RBFOX1: variants seen among roughly 807,000 people sequenced by gnomAD.
The protein encoded by RBFOX1 is RNA binding fox-1 homolog 1, also known as RNA binding protein fox-1 homolog 1.
RBFOX1 carries 8 observed loss-of-function variants against 57.7 expected under a neutral mutation model. The observed-to-expected ratio is 0.14, with a 90% CI of 0.08 to 0.25. The LOEUF is 0.25. Among genes scored for constraint, RBFOX1 ranks in the 10% least tolerant of loss-of-function variants. The pLI is 1.00. For missense variants in RBFOX1, 611 were observed against 548.5 expected (o/e 1.11, Z -1.14); for synonymous variants, 326 against 222.4 (o/e 1.47, Z -4.15).
intron 1 of RBFOX1, among the ~76,000 whole-genome samples, chr16:6,064,515 G>C (rs1312583371): frequency 6.6e-6 from 1 of 151,982 alleles, no homozygotes; most frequent in African/African-American, 2.4e-5. Flanking sequence ...TTTTCACATA[G>C]GCAGAATACA....
At chr16:6,276,230 G>C (rs1364397307) in intron 1 of RBFOX1, among the ~76,000 whole-genome samples, 2 of 152,244 alleles carry the variant, frequency 1.3e-5, no homozygotes, top group Non-Finnish European at 2.9e-5. Flanking sequence ...ACTGTGGCCA[G>C]AATCATTTTA....
intron 1 of RBFOX1, among the ~76,000 whole-genome samples, chr16:6,069,398 CAAAAA>C (rs34337622): frequency 2.8e-3 from 323 of 113,934 alleles, no homozygotes; most frequent in African/African-American, 0.01. Flanking sequence ...AACTCTGCCT[CAAAAA>C]AAAAAAAAAA....
At chr16:7,129,716 A>G (rs1335147225) in intron 4 of RBFOX1, among the ~76,000 whole-genome samples, 1 of 152,066 alleles carries the variant, frequency 6.6e-6, no homozygotes, top group Non-Finnish European at 1.5e-5. Context: ...GGAGCCCCCA[A>G]ATCGGGTTGT....
intron 2 of RBFOX1, among the ~76,000 whole-genome samples, chr16:5,564,935 C>T (rs1325836598): frequency 4.6e-5 from 7 of 152,182 alleles, no homozygotes; most frequent in Admixed American, 2.0e-4. Context: ...TTGGCAGCCA[C>T]GTGTAGTTTC....
intron 3 of RBFOX1, among the ~76,000 whole-genome samples, chr16:5,623,750 T>A (rs1296864553): frequency 6.6e-6 from 1 of 152,168 alleles, no homozygotes; most frequent in East Asian, 1.9e-4. Flanking sequence ...CCTGCTCTTT[T>A]TCTCCCCCAT....
chr16:5,321,437 A>G (rs1248340261), intron 1 of RBFOX1, among the ~76,000 whole-genome samples: 1 of 151,824 alleles, frequency 6.6e-6, no homozygotes, highest in Non-Finnish European at 1.5e-5. Context: ...ATCCTGCCTC[A>G]GCCTCCCGAG....
chr16:6,342,895 T>G (rs901585525), intron 2 of RBFOX1, among the ~76,000 whole-genome samples: 1 of 152,182 alleles, frequency 6.6e-6, no homozygotes, highest in Non-Finnish European at 1.5e-5. Flanking sequence ...TTGTTTCTAA[T>G]GAGAAATCTG....
chr16:6,565,141 A>G (rs2097242949), intron 2 of RBFOX1, among the ~76,000 whole-genome samples: 1 of 152,076 alleles, frequency 6.6e-6, no homozygotes, highest in African/African-American at 2.4e-5. Flanking sequence ...AAAAAAAAAA[A>G]AAAGCATTTG....
Position 6,707,482 on chromosome 16 carries a change from T to TG in RBFOX1, c.-16+52832_-16+52833insG, listed in dbSNP as rs1555714710. Among the ~76,000 whole-genome samples, 122 of 151,046 alleles carry TG rather than the reference T, an allele frequency of 8.1e-4. 1 individual carries two copies. The highest frequency in any genetic ancestry group is 2.8e-3 in the African/African-American group (114 of 41,102). On this transcript the variant is annotated intron_variant, in intron 3 of 15. Coordinates refer to ENST00000550418, the MANE Select transcript of RBFOX1 (RefSeq NM_018723.4). ...TTTAGATGGCTTCCCATTTTTGTTT[T>TG]TTTTTTTTTTTTGCTGTTGTAAACA...
At chr16:6,437,988 G>T (rs191425519) in intron 2 of RBFOX1, among the ~76,000 whole-genome samples, 1 of 152,232 alleles carries the variant, frequency 6.6e-6, no homozygotes, top group Admixed American at 6.5e-5. Context: ...AAACTGCCAG[G>T]CTCCTCTTGG....
intron 2 of RBFOX1, among the ~76,000 whole-genome samples, chr16:5,522,905 G>T (rs866559603): frequency 6.6e-6 from 1 of 152,090 alleles, no homozygotes; most frequent in African/African-American, 2.4e-5. Context: ...GCATTCCATC[G>T]TGTATCTATA....
chr16:6,503,698 C>T (rs959734432), intron 2 of RBFOX1, among the ~76,000 whole-genome samples: 1 of 152,100 alleles, frequency 6.6e-6, no homozygotes, highest in Non-Finnish European at 1.5e-5. Context: ...ATCTTTCATC[C>T]CTTCCATATG....
chr16:5,330,898 TTTTG>T (rs1271412121), intron 1 of RBFOX1, among the ~76,000 whole-genome samples: 5 of 152,108 alleles, frequency 3.3e-5, no homozygotes, highest in Admixed American at 6.6e-5. Flanking sequence ...ATTCAGGTTT[TTTTG>T]TTTGTTTGTT....
At chr16:5,579,767 T>G (rs1439062192) in intron 2 of RBFOX1, among the ~76,000 whole-genome samples, 1 of 151,678 alleles carries the variant, frequency 6.6e-6, no homozygotes, top group Non-Finnish European at 1.5e-5. Flanking sequence ...TTTCTTTTTT[T>G]TTTTTTCCTT....
chr16:6,447,976 G>A (rs962315317), intron 2 of RBFOX1, among the ~76,000 whole-genome samples: 1 of 100,538 alleles, frequency 9.9e-6, no homozygotes, highest in African/African-American at 4.2e-5. Context: ...TTTCAGACAA[G>A]AGTCTCTCTC....
At chr16:7,374,711 C>T (rs1229083124) in intron 4 of RBFOX1, among the ~76,000 whole-genome samples, 4 of 152,176 alleles carry the variant, frequency 2.6e-5, no homozygotes, top group African/African-American at 7.2e-5. Flanking sequence ...GTCTTCAACA[C>T]GTACTCGGTC....
At chr16:7,676,039 C>G (rs1264190355) in intron 13 of RBFOX1, among the ~76,000 whole-genome samples, 1 of 152,196 alleles carries the variant, frequency 6.6e-6, no homozygotes, top group South Asian at 2.1e-4. Context: ...CTGGTACATA[C>G]AACTAAATGT....
At chr16:6,812,784 T>C (rs1000273231) in intron 3 of RBFOX1, among the ~76,000 whole-genome samples, 2 of 152,198 alleles carry the variant, frequency 1.3e-5, no homozygotes, top group Non-Finnish European at 2.9e-5. Context: ...AGCGGCATTT[T>C]CCTTGTGGAC....
chr16:6,041,704 C>G (rs1473892480), intron 1 of RBFOX1, among the ~76,000 whole-genome samples: 1 of 152,102 alleles, frequency 6.6e-6, no homozygotes, highest in Non-Finnish European at 1.5e-5. Flanking sequence ...TAGTCTAAGG[C>G]TTAGATTCAG....
Sources: gnomAD v4.1 joint callset for allele counts (sites outside exome capture counted in the v4.1 genomes callset) on GRCh38, gnomAD v4.1.1 for gene constraint, MANE v1.5 for transcripts, NCBI Gene and HGNC (gene_info 2026-07-23, HGNC 2026-07-21) for gene names.